The following ATP2C2 variants were observed in gnomAD, a reference collection of about 807,000 sequenced individuals.
ATP2C2 encodes the protein ATPase secretory pathway Ca2+ transporting 2, also known as calcium-transporting ATPase type 2C member 2.
ATP2C2 carries 171 observed loss-of-function variants against 110.8 expected under a neutral mutation model. That is an observed-to-expected ratio of 1.54 (90% CI 1.36 to 1.75). The LOEUF (loss-of-function observed/expected upper bound fraction) is 1.75. Among genes scored for constraint, ATP2C2 ranks in the 40% most tolerant of loss-of-function variants. ATP2C2 has a pLI of 0.00. For synonymous variants in ATP2C2, 804 were observed against 508.4 expected, an observed-to-expected ratio of 1.58 and a Z score of -7.82; for missense variants, 1,963 against 1,235.0, an observed-to-expected ratio of 1.59 and a Z score of -8.84.
chr16:84,399,613 C>T (rs1024801167), intron 2 of ATP2C2, among the ~76,000 whole-genome samples: 1 of 152,236 alleles, frequency 6.6e-6, no homozygotes, highest in Admixed American at 6.5e-5. Flanking sequence ...GTTTTAGCTA[C>T]TGTTTCTTTT....
chr16:84,412,204 A>G (rs1906376666), intron 6 of ATP2C2, among the ~76,000 whole-genome samples: 1 of 152,164 alleles, frequency 6.6e-6, no homozygotes, highest in Admixed American at 6.5e-5. Context: ...ATCAGCTGCT[A>G]CAAAAGTTAC....
chr16:84,459,034 C>A, intron 21 of ATP2C2, 86 bp from the exon 22 acceptor site: 1 of 1,444,440 alleles, frequency 6.9e-7, no homozygotes, highest in South Asian at 1.2e-5. Flanking sequence ...CTGGGCGAGT[C>A]ACCACTGCCC....
At chr16:84,386,902 TTTTGTTTG>T (rs201980683) in intron 1 of ATP2C2, among the ~76,000 whole-genome samples, 6 of 139,418 alleles carry the variant, frequency 4.3e-5, no homozygotes, top group Non-Finnish European at 1.6e-5. Flanking sequence ...CATTTAGGGT[TTTTGTTTG>T]TTTGTTTGTT....
intron 2 of ATP2C2, 52 bp from the exon 3 acceptor site, chr16:84,405,076 C>T (rs774781137): frequency 1.3e-6 from 2 of 1,488,064 alleles, no homozygotes; most frequent in Non-Finnish European, 1.9e-6. Context: ...ACCCTGTTGC[C>T]TCATTCCTTG....
At chr16:84,431,135 C>G (rs1258447824) in intron 11 of ATP2C2, among the ~76,000 whole-genome samples, 2 of 152,076 alleles carry the variant, frequency 1.3e-5, no homozygotes, top group East Asian at 3.8e-4. Context: ...AATTTAAGCA[C>G]ACATTAATAA....
chr16:84,430,359 G>A (rs887571586), intron 11 of ATP2C2, among the ~76,000 whole-genome samples: 13 of 152,134 alleles, frequency 8.5e-5, no homozygotes, highest in African/African-American at 2.2e-4. Context: ...GTCAGTTCTG[G>A]GCCGGGTGCG....
At chr16:84,401,278 C>T (rs985091549) in intron 2 of ATP2C2, among the ~76,000 whole-genome samples, 10 of 133,546 alleles carry the variant, frequency 7.5e-5, no homozygotes, top group Non-Finnish European at 9.2e-5. Context: ...GGCTGGAGTG[C>T]GGTGGCGCTA....
intron 17 of ATP2C2, among the ~76,000 whole-genome samples, chr16:84,451,480 C>T (rs1910258526): frequency 1.3e-5 from 2 of 152,230 alleles, no homozygotes; most frequent in African/African-American, 2.4e-5. Flanking sequence ...CCCTCCCTTT[C>T]AGGCTAGGGA....
intron 18 of ATP2C2, among the ~76,000 whole-genome samples, 178 bp from the exon 19 acceptor site, chr16:84,452,960 G>T (rs1384180243): frequency 1.3e-5 from 2 of 152,184 alleles, no homozygotes; most frequent in Non-Finnish European, 2.9e-5. Context: ...GGATAATGAG[G>T]CGTTTGGTGT....
chr16:84,428,417 A>G (rs1262564316), intron 11 of ATP2C2, among the ~76,000 whole-genome samples: 1 of 152,248 alleles, frequency 6.6e-6, no homozygotes, highest in Non-Finnish European at 1.5e-5. Context: ...TGTGTGTCCT[A>G]TGACAAAAGC....
chr16:84,370,364 G>A (rs1909881501), intron 1 of ATP2C2, among the ~76,000 whole-genome samples: 1 of 152,234 alleles, frequency 6.6e-6, no homozygotes, highest in Non-Finnish European at 1.5e-5. Flanking sequence ...CAGGAGGCGG[G>A]TGATACCAGC....
chr16:84,410,122 T>C (rs1906144674), intron 4 of ATP2C2, among the ~76,000 whole-genome samples: 1 of 152,036 alleles, frequency 6.6e-6, no homozygotes, highest in African/African-American at 2.4e-5. Context: ...GGCAGGAGAA[T>C]CGCTTGAAAC....
At chr16:84,398,294 T>C (rs1040982267) in intron 1 of ATP2C2, among the ~76,000 whole-genome samples, 1 of 152,066 alleles carries the variant, frequency 6.6e-6, no homozygotes, top group African/African-American at 2.4e-5. Context: ...TAATCCCAGC[T>C]ACTCGGGAGG....
At position 84,425,780 on chromosome 16, in the gene ATP2C2, G is replaced by A. The variant is rs370814551; in HGVS notation, c.965G>A (p.Ser322Asn). The change falls in exon 11 of 27, where the codon AGT (serine) becomes AAT (asparagine). Residue 322 changes from serine to asparagine, a missense_variant. By Grantham distance (46) the Ser-to-Asn change is conservative (BLOSUM62 1). Coordinates refer to ENST00000262429, the MANE Select transcript of ATP2C2 (RefSeq NM_014861.4). The part of the protein sequence containing the change: ...IGWSQGKQLL[S>N]MFTIGVSLAV... ...TGGTCGCAAGGGAAACAACTCCTGA[G>A]TATGTTCACGATCGGGGTCAGGTAA... 24 of 1,614,164 alleles carry A rather than the reference G, an allele frequency of 1.5e-5. No homozygotes were observed. In the African/African-American group the frequency reaches 2.4e-4, roughly 16 times the overall value.
At chr16:84,387,314 G>A (rs566090329) in intron 1 of ATP2C2, among the ~76,000 whole-genome samples, 3 of 152,112 alleles carry the variant, frequency 2.0e-5, no homozygotes, top group East Asian at 1.9e-4. Context: ...CTAAACTCAG[G>A]AATTCAAGAC....
chr16:84,439,344 G>A (rs1909030072), intron 12 of ATP2C2, 54 bp downstream of exon 12: 16 of 1,613,240 alleles, frequency 9.9e-6, no homozygotes, highest in Middle Eastern at 1.7e-4. Flanking sequence ...TGGGGGCTTG[G>A]CTGTCAGGGC....
At chr16:84,406,414 C>T (rs1342194987) in intron 3 of ATP2C2, among the ~76,000 whole-genome samples, 1 of 152,202 alleles carries the variant, frequency 6.6e-6, no homozygotes, top group Non-Finnish European at 1.5e-5. Context: ...GGCCCCATCC[C>T]TGACATCCCC....
At chr16:84,422,289 T>A in intron 7 of ATP2C2, 101 bp from the exon 8 acceptor site, 1 of 1,379,168 alleles carries the variant, frequency 7.3e-7, no homozygotes, top group Non-Finnish European at 1.0e-6. Flanking sequence ...ACTGTGTTCT[T>A]GAGTTCATGT....
At chr16:84,390,355 G>C (rs983798878) in intron 1 of ATP2C2, among the ~76,000 whole-genome samples, 10 of 152,226 alleles carry the variant, frequency 6.6e-5, no homozygotes, top group African/African-American at 2.2e-4. Flanking sequence ...CGTGCACTTC[G>C]TGGTCCCCTC....
Sources: allele counts gnomAD v4.1 joint callset (sites outside exome capture counted in the v4.1 genomes callset), GRCh38; gene constraint gnomAD v4.1.1; transcripts MANE v1.5; gene names NCBI Gene and HGNC (gene_info 2026-07-23, HGNC 2026-07-21).